The following SAFB variants were observed in gnomAD, a reference collection of about 807,000 sequenced individuals.
SAFB encodes the protein scaffold attachment factor B1.
SAFB carries 15 observed loss-of-function variants against 101.6 expected under a neutral mutation model. The ratio of observed to expected loss-of-function variants is 0.15; its 90% CI spans 0.10 to 0.23. The LOEUF (loss-of-function observed/expected upper bound fraction) is 0.23. Among genes scored for constraint, SAFB ranks in the 10% least tolerant of loss-of-function variants. The pLI, the probability that SAFB is intolerant of heterozygous loss-of-function variation, is 1.00. For synonymous variants in SAFB, 449 were observed against 407.5 expected (o/e 1.10, Z -1.23); for missense variants, 930 against 1,104.1 (o/e 0.84, Z 2.23).
intron 8 of SAFB, among the ~76,000 whole-genome samples, chr19:5,650,281 T>C (rs773548129): frequency 2.0e-5 from 3 of 152,178 alleles, no homozygotes; most frequent in Non-Finnish European, 1.5e-5. Flanking sequence ...TCTTAATCAG[T>C]GTTCTAAAGG....
chr19:5,664,929 A>G (rs2054295050), intron 17 of SAFB: 1 of 162,976 alleles, frequency 6.1e-6, no homozygotes, highest in Admixed American at 6.0e-5. Context: ...TTCGGGGGCT[A>G]GCACATTAGA....
Position 5,653,342 on chromosome 19 carries a change from A to G in SAFB, c.1448A>G (p.Lys483Arg), listed in dbSNP as rs369457233. 1.9e-6 allele frequency: 3 copies of G among 1,614,204 alleles called. No homozygotes were observed. Among genetic ancestry groups the G allele is most frequent in the Non-Finnish European group, 1.7e-6 (2 of 1,180,022 alleles). ...ATACTTGATTCTCTTTTTCAGGCCAAAAATGAACCTGTGGGAAAGAAAACC... is the reference window on the plus strand; with the variant it reads ...ATACTTGATTCTCTTTTTCAGGCCAGAAATGAACCTGTGGGAAAGAAAACC... Reference protein sequence around the residue: ...HGKMISVEKAKNEPVGKKTSD... With the variant: ...HGKMISVEKARNEPVGKKTSD... The change falls in exon 11 of 21, where the codon AAA becomes AGA. Residue 483 changes from lysine to arginine, a missense_variant. Around this residue, in one of 7 missense-constraint regions of SAFB, gnomAD observed 92 missense variants for 83.8 expected, o/e 1.10. Transcript: ENST00000588852.
At chr19:5,653,022 C>G (rs1346529836) in intron 9 of SAFB, 93 bp from the exon 10 acceptor site, 2 of 1,322,082 alleles carry the variant, frequency 1.5e-6, no homozygotes, top group Non-Finnish European at 2.1e-6. Context: ...TGTCGGACCC[C>G]TGATGAGCAG....
At chr19:5,651,551 T>G (rs2053938415) in intron 9 of SAFB, among the ~76,000 whole-genome samples, 1 of 152,196 alleles carries the variant, frequency 6.6e-6, no homozygotes. Flanking sequence ...CTCTCAAAGT[T>G]GCTGCCTCAG....
In SAFB at chr19:5,653,318, T is replaced by C; in HGVS notation, c.1444-20T>C. 6.2e-7 allele frequency: 1 copy of C among 1,614,126 alleles called. No individual in the cohort carries two copies. Among genetic ancestry groups the C allele is most frequent in the Non-Finnish European group, 8.5e-7 (1 of 1,179,990 alleles). The stretch of plus-strand genomic sequence containing the variant: ...AGCCCACATTAGGAAATGGGGGTAA[T>C]ACTTGATTCTCTTTTTCAGGCCAAA... On this transcript the variant is annotated intron_variant, in intron 10 of 20. Coordinates refer to ENST00000588852, the MANE Select transcript of SAFB (RefSeq NM_001201338.2).
chr19:5,658,277 C>T (rs1485085281), intron 14 of SAFB, among the ~76,000 whole-genome samples: 3 of 152,224 alleles, frequency 2.0e-5, no homozygotes, highest in Admixed American at 6.5e-5. Context: ...GGATTACAGG[C>T]ATGAGCCACT....
At chr19:5,665,357 T>G (rs2054305011) in intron 17 of SAFB, 1 of 152,176 alleles carries the variant, frequency 6.6e-6, no homozygotes, top group Non-Finnish European at 1.5e-5. Flanking sequence ...AGAACTGGCG[T>G]CACACCTTGG....
intron 2 of SAFB, among the ~76,000 whole-genome samples, chr19:5,635,729 A>G (rs2053581714): frequency 6.6e-6 from 1 of 152,126 alleles, no homozygotes; most frequent in Non-Finnish European, 1.5e-5. Context: ...GCTTAACAGA[A>G]GGCAAGAGAT....
At position 5,667,205 on chromosome 19, in the gene SAFB, C is replaced by G; in HGVS notation, c.2453+41C>G. On this transcript the variant is annotated intron_variant, in intron 18 of 20. Transcript: ENST00000588852. This position sits in a 1 kb window ranked among gnomAD's most constrained non-coding sequence, Gnocchi z 4.0. ...CCGACAGTACCTGACCCCCCCCCCG[C>G]CCACAAGGGGGCCCGCAAGTCGCTG... 1 of 1,303,262 alleles carries G rather than the reference C, an allele frequency of 7.7e-7. No homozygotes were observed. The highest frequency in any genetic ancestry group is 1.3e-5 in the South Asian group (1 of 74,320). 80.7% of individuals were successfully genotyped at this position (1,303,262 alleles called of 1,614,324 possible). A position where few individuals can be genotyped will look rare whatever the true frequency, so the allele number is the denominator to read the frequency against.
intron 2 of SAFB, among the ~76,000 whole-genome samples, chr19:5,629,534 A>G (rs1467807939): frequency 6.6e-6 from 1 of 152,132 alleles, no homozygotes; most frequent in Non-Finnish European, 1.5e-5. Context: ...ACAGGCTAAT[A>G]ATCTTCTGTA....
chr19:5,662,089 G>A (rs575447425), intron 15 of SAFB, among the ~76,000 whole-genome samples: 1 of 152,100 alleles, frequency 6.6e-6, no homozygotes, highest in East Asian at 1.9e-4. Flanking sequence ...GTTTCACTGT[G>A]TTAGCCAGGA....
In SAFB at chr19:5,654,446, C is replaced by A; in HGVS notation, c.1745C>A (p.Ser582Tyr). 6.3e-7 allele frequency: 1 copy of A among 1,597,834 alleles called. No individual in the cohort carries two copies. Among genetic ancestry groups the A allele is most frequent in the South Asian group, 1.1e-5 (1 of 90,734 alleles). The change falls in exon 13 of 21, where the codon TCC (serine) becomes TAC (tyrosine). Residue 582 changes from serine to tyrosine, a missense_variant. By Grantham distance (144) the Ser-to-Tyr change is moderately radical (BLOSUM62 -2). This residue lies in a region of SAFB where 159 missense variants were observed against 234.1 expected (regional missense o/e 0.68). Coordinates refer to ENST00000588852, the MANE Select transcript of SAFB (RefSeq NM_001201338.2). ...VPVISVKTSG[S>Y]KERASKSQDR... is the part of the protein sequence containing the mutation. ...GTGATTAGTGTAAAAACGTCCGGGT[C>A]CAAAGAGAGAGTGAGTATTAATTTT...
At chr19:5,655,745 C>A (rs2054045085) in intron 13 of SAFB, among the ~76,000 whole-genome samples, 1 of 152,140 alleles carries the variant, frequency 6.6e-6, no homozygotes, top group Admixed American at 6.5e-5. Context: ...TATGTCATAG[C>A]CTTTTACCCT....
intron 9 of SAFB, among the ~76,000 whole-genome samples, chr19:5,652,298 G>A (rs1043087769): frequency 6.6e-6 from 1 of 152,134 alleles, no homozygotes; most frequent in Admixed American, 6.5e-5. Context: ...CAACACCTGC[G>A]CCAAGTCTCC....
At chr19:5,629,589 C>T (rs536237086) in intron 2 of SAFB, among the ~76,000 whole-genome samples, 1 of 152,098 alleles carries the variant, frequency 6.6e-6, no homozygotes, top group South Asian at 2.1e-4. Flanking sequence ...TATTACTAGA[C>T]GTTTGGAGAT....
Position 5,623,414 on chromosome 19 carries a change from G to T in SAFB, c.189+20G>T. ...AAGAAGGTGGATTTGGGGCCCCGAGGGCGGGCACAGGGTGGGTCTGGGGTC... is the reference window on the plus strand; with the variant it reads ...AAGAAGGTGGATTTGGGGCCCCGAGTGCGGGCACAGGGTGGGTCTGGGGTC... On this transcript the variant is annotated intron_variant, in intron 1 of 20. Coordinates refer to ENST00000588852, the MANE Select transcript of SAFB (RefSeq NM_001201338.2). 1 of 1,609,410 alleles carries T rather than the reference G, an allele frequency of 6.2e-7. No homozygotes were observed. The highest frequency in any genetic ancestry group is 8.5e-7 in the Non-Finnish European group (1 of 1,176,156).
rs530726026 is a variant in SAFB at position 5,668,433 on chromosome 19, G to A, written c.*142G>A. On this transcript the variant is annotated 3_prime_UTR_variant, in exon 21 of 21. Transcript: ENST00000588852. Reference sequence around the variant, plus strand: ...ATGTGAATTTGTTTTTCGTTTTGGGGTTTTTTTTTTTTGTAATAAATGTGT... The same window carrying A: ...ATGTGAATTTGTTTTTCGTTTTGGGATTTTTTTTTTTTGTAATAAATGTGT... 1.5e-5 allele frequency: 10 copies of A among 668,474 alleles called. No homozygotes were observed. The highest frequency in any genetic ancestry group is 2.2e-5 in the Non-Finnish European group (10 of 452,528). 41.4% of individuals were successfully genotyped at this position (668,474 alleles called of 1,614,324 possible). A position where few individuals can be genotyped will look rare whatever the true frequency, so the allele number is the denominator to read the frequency against.
chr19:5,656,651 A>G (rs1275191655), intron 13 of SAFB, among the ~76,000 whole-genome samples: 1 of 144,788 alleles, frequency 6.9e-6, no homozygotes, highest in African/African-American at 2.6e-5. Flanking sequence ...TCCTCGGTTC[A>G]CTGCAACTAC....
At chr19:5,633,409 A>G (rs919280489) in intron 2 of SAFB, among the ~76,000 whole-genome samples, 4 of 152,042 alleles carry the variant, frequency 2.6e-5, no homozygotes, top group Admixed American at 2.6e-4. Flanking sequence ...GTCTCATCTT[A>G]TGCTTTTCCT....
Sources: gnomAD v4.1 joint callset for allele counts (sites outside exome capture counted in the v4.1 genomes callset) on GRCh38, gnomAD v4.1.1 for gene constraint, gnomAD v4.1.1 regional missense constraint, Gnocchi (gnomAD v3.1) non-coding constraint, MANE v1.5 for transcripts, NCBI Gene and HGNC (gene_info 2026-07-23, HGNC 2026-07-21) for gene names.